ARHGEF4: variants seen among roughly 807,000 people sequenced by gnomAD.
ARHGEF4 encodes the protein APC-stimulated guanine nucleotide exchange factor 1.
In ARHGEF4, 119 loss-of-function variants were observed where a neutral mutation model predicts 162.0. That is an observed-to-expected ratio of 0.73 (90% CI 0.63 to 0.86). ARHGEF4 has a LOEUF of 0.86. Among genes scored for constraint, ARHGEF4 ranks in the 40% least tolerant of loss-of-function variants. The pLI is 0.00. For synonymous variants in ARHGEF4, 1,014 were observed against 979.9 expected, an observed-to-expected ratio of 1.03 and a Z score of -0.65; for missense variants, 2,488 against 2,456.0, an observed-to-expected ratio of 1.01 and a Z score of -0.28.
At chr2:130,903,844 A>G (rs748353496) in intron 1 of ARHGEF4, among the ~76,000 whole-genome samples, 1 of 152,162 alleles carries the variant, frequency 6.6e-6, no homozygotes, top group African/African-American at 2.4e-5. Context: ...CATTTACACA[A>G]AGGATTTGAT....
At chr2:130,976,083 C>T (rs1386165230) in intron 4 of ARHGEF4, among the ~76,000 whole-genome samples, 2 of 152,170 alleles carry the variant, frequency 1.3e-5, no homozygotes, top group South Asian at 2.1e-4. Context: ...CTCGGACTGC[C>T]TCCAGTCTCT....
chr2:130,840,532 G>A (rs535506156), intron 1 of ARHGEF4, among the ~76,000 whole-genome samples: 8 of 152,306 alleles, frequency 5.3e-5, no homozygotes, highest in Non-Finnish European at 1.0e-4. Context: ...GATCCATCCA[G>A]GTAGTCTTTC....
chr2:130,904,332 T>C (rs1378287918), intron 1 of ARHGEF4, among the ~76,000 whole-genome samples: 1 of 152,200 alleles, frequency 6.6e-6, no homozygotes, highest in Non-Finnish European at 1.5e-5. Context: ...CTGCACAGTT[T>C]GGGTGTTATA....
chr2:131,040,240 C>T (rs749998864), intron 7 of ARHGEF4, 21 bp from the exon 8 acceptor site: 1 of 1,611,084 alleles, frequency 6.2e-7, no homozygotes, highest in Non-Finnish European at 8.5e-7. Context: ...TCGGGGGAGG[C>T]CTAACCACGT....
intron 4 of ARHGEF4, among the ~76,000 whole-genome samples, chr2:130,991,119 C>G (rs1011979265): frequency 4.6e-5 from 7 of 152,218 alleles, no homozygotes; most frequent in Non-Finnish European, 8.8e-5. Context: ...AGATGTGAAT[C>G]TTCAACAATA....
At chr2:130,979,063 T>A (rs1378954219) in intron 4 of ARHGEF4, among the ~76,000 whole-genome samples, 1 of 152,192 alleles carries the variant, frequency 6.6e-6, no homozygotes, top group Non-Finnish European at 1.5e-5. Flanking sequence ...TAAGCCAGTT[T>A]TTTTTGAGAA....
chr2:130,912,663 TG>T (rs1223343906), intron 1 of ARHGEF4, among the ~76,000 whole-genome samples: 4 of 152,128 alleles, frequency 2.6e-5, no homozygotes, highest in African/African-American at 9.7e-5. Context: ...TGGGGCTGAG[TG>T]CTTGGCCAGC....
At chr2:130,909,702 G>T (rs1328030230) in intron 1 of ARHGEF4, among the ~76,000 whole-genome samples, 1 of 151,724 alleles carries the variant, frequency 6.6e-6, no homozygotes. Context: ...ATAAAACAAA[G>T]ACCCTTGCAT....
intron 5 of ARHGEF4, among the ~76,000 whole-genome samples, chr2:131,038,261 C>T (rs1690453445): frequency 6.6e-6 from 1 of 151,870 alleles, no homozygotes; most frequent in African/African-American, 2.4e-5. Flanking sequence ...CAGCCTCTCC[C>T]TCCTGCAGCC....
chr2:130,985,007 G>C (rs368078853), intron 4 of ARHGEF4, among the ~76,000 whole-genome samples: 1 of 152,048 alleles, frequency 6.6e-6, no homozygotes, highest in Non-Finnish European at 1.5e-5. Flanking sequence ...AACAGTCAGG[G>C]TGCTCCCCCA....
intron 3 of ARHGEF4, among the ~76,000 whole-genome samples, chr2:130,945,071 A>G (rs1683521039): frequency 6.6e-6 from 1 of 152,060 alleles, no homozygotes; most frequent in African/African-American, 2.4e-5. Context: ...GTTCTACCCC[A>G]TGGTTCAGTT....
At chr2:130,901,479 G>A (rs1680484983) in intron 1 of ARHGEF4, among the ~76,000 whole-genome samples, 1 of 152,018 alleles carries the variant, frequency 6.6e-6, no homozygotes, top group East Asian at 1.9e-4. Context: ...CCAAATTAAT[G>A]GCCAATGTTG....
chr2:130,908,732 T>C (rs1208832304), intron 1 of ARHGEF4, among the ~76,000 whole-genome samples: 1 of 151,976 alleles, frequency 6.6e-6, no homozygotes, highest in Non-Finnish European at 1.5e-5. Context: ...AAGGCCTTGG[T>C]AATAAAATGA....
rs1023453532 is a variant in ARHGEF4 at position 131,046,024 on chromosome 2, C to T, written c.5480-14C>T. On this transcript the variant is annotated splice_polypyrimidine_tract_variant and intron_variant, in intron 13 of 13. Coordinates refer to ENST00000409359, the MANE Select transcript of ARHGEF4 (RefSeq NM_001367493.1). ...CTGGGCACCCATGACCCTCTGCTGT[C>T]TCTCCCTGTTCAGCTGTTGGCCGGC... 1 of 1,605,738 alleles carries T rather than the reference C, an allele frequency of 6.2e-7. No homozygotes were observed. Among genetic ancestry groups the T allele is most frequent in the Non-Finnish European group, 8.5e-7 (1 of 1,175,034 alleles).
intron 1 of ARHGEF4, among the ~76,000 whole-genome samples, chr2:130,882,571 G>A (rs1362535311): frequency 6.6e-6 from 1 of 151,904 alleles, no homozygotes; most frequent in African/African-American, 2.4e-5. Flanking sequence ...CCCTCACCTT[G>A]GAAGTTAGGA....
chr2:130,991,525 GC>G (rs991250195), intron 4 of ARHGEF4, among the ~76,000 whole-genome samples: 3 of 152,160 alleles, frequency 2.0e-5, no homozygotes, highest in African/African-American at 7.2e-5. Flanking sequence ...GGCTTGGCGG[GC>G]CCGGCACTCG....
intron 4 of ARHGEF4, among the ~76,000 whole-genome samples, chr2:130,971,418 G>A (rs1685359755): frequency 6.6e-6 from 1 of 152,134 alleles, no homozygotes; most frequent in South Asian, 2.1e-4. Flanking sequence ...CCCAGCCTTT[G>A]GGAGGCTCAG....
rs187853590 is a variant in ARHGEF4, at chr2:130,912,466, G to A, written c.40-1520G>A. On this transcript the variant is annotated intron_variant, in intron 1 of 13. Coordinates refer to ENST00000409359, the MANE Select transcript of ARHGEF4 (RefSeq NM_001367493.1). ...ACTGCAGGATCATGTTATTCCTCATGTTCTACCCTGCACCTTAAGAGCACT... is the reference window on the plus strand; with the variant it reads ...ACTGCAGGATCATGTTATTCCTCATATTCTACCCTGCACCTTAAGAGCACT... Among the ~76,000 whole-genome samples, 6 of 152,316 alleles carry A rather than the reference G, an allele frequency of 3.9e-5. No individual in the cohort carries two copies. The East Asian group carries it at 1.2e-3, about 29-fold the overall frequency.
At chr2:131,012,175 TC>T (rs796635692) in intron 4 of ARHGEF4, among the ~76,000 whole-genome samples, 103 of 151,544 alleles carry the variant, frequency 6.8e-4, no homozygotes, top group African/African-American at 2.4e-3. Context: ...AGCAAGGGGG[TC>T]CTCCTCGTGT....
Sources: gnomAD v4.1 joint callset for allele counts (sites outside exome capture counted in the v4.1 genomes callset) on GRCh38, gnomAD v4.1.1 for gene constraint, MANE v1.5 for transcripts, NCBI Gene and HGNC (gene_info 2026-07-23, HGNC 2026-07-21) for gene names.